Variants in ARHGEF37 observed in about 807,000 individuals in gnomAD.
The protein encoded by ARHGEF37 is Rho guanine nucleotide exchange factor 37.
ARHGEF37 carries 55 observed loss-of-function variants against 71.1 expected under a neutral mutation model. That is an observed-to-expected ratio of 0.77 (90% CI 0.62 to 0.97). ARHGEF37 has a LOEUF of 0.97. Ranked by LOEUF, ARHGEF37 falls within the 50% of genes least tolerant of loss-of-function variation. The pLI, the probability that ARHGEF37 is intolerant of heterozygous loss-of-function variation, is 0.00. For missense variants in ARHGEF37, 765 were observed against 836.8 expected, an observed-to-expected ratio of 0.91 and a Z score of 1.06; for synonymous variants, 327 against 350.6, an observed-to-expected ratio of 0.93 and a Z score of 0.75.
intron 2 of ARHGEF37, 106 bp downstream of exon 2, chr5:149,598,061 C>A: frequency 7.4e-7 from 1 of 1,345,794 alleles, no homozygotes; most frequent in Non-Finnish European, 1.0e-6. Flanking sequence ...AGAAAGGAAG[C>A]GTGGTAGATG....
chr5:149,558,303 C>T (rs77960326), intron 1 of ARHGEF37, among the ~76,000 whole-genome samples: 24 of 152,066 alleles, frequency 1.6e-4, no homozygotes, highest in Non-Finnish European at 3.4e-4. Flanking sequence ...GTCAGGAGTT[C>T]GAGACCAGCC....
chr5:149,598,771 G>GATATAGATATATAGATATAGAT (rs1763661264), intron 2 of ARHGEF37, among the ~76,000 whole-genome samples: 2 of 78,616 alleles, frequency 2.5e-5, no homozygotes, highest in South Asian at 1.1e-3. Flanking sequence ...TATAGATATA[G>GATATAGATATATAGATATAGAT]ATATAGATAT....
Position 149,624,107 on chromosome 5 carries a change from C to G in ARHGEF37, c.1431C>G (p.Thr477=). Residue 477 remains threonine (T), a synonymous_variant, in exon 10 of 13, where the codon ACC becomes ACG. Transcript: ENST00000333677. The part of the protein sequence containing the change: ...TSNQLRSFQE[T]FEKVQPPPTT... ...ACCAGCTTCGCTCCTTTCAAGAGAC[C>G]TTTGAGAAAGTGCAGCCACCTCCCA... The G allele has an allele frequency of 6.2e-7, 1 of 1,611,366 alleles. No homozygotes were observed. Among genetic ancestry groups the G allele is most frequent in the Non-Finnish European group, 8.5e-7 (1 of 1,177,768 alleles).
At position 149,572,770 on chromosome 5, in the gene ARHGEF37, G is replaced by A. The variant is rs201561732; in HGVS notation, c.-12+20647G>A. 4.5e-4 allele frequency among the ~76,000 whole-genome samples: 68 copies of A among 152,270 alleles called. No homozygotes were observed. The East Asian group carries it at 0.012, about 26-fold the overall frequency. On this transcript the variant is annotated intron_variant, in intron 1 of 2. Transcript: ENST00000505810. The stretch of plus-strand genomic sequence containing the variant: ...ACAAAGACTGACCTCTTCCAAGCAA[G>A]AAGGAATTCTGCCAAACTGATTGTG...
intron 1 of ARHGEF37, among the ~76,000 whole-genome samples, chr5:149,587,887 C>G (rs1763283644): frequency 1.5e-5 from 2 of 136,718 alleles, no homozygotes; most frequent in East Asian, 4.4e-4. Context: ...TCTTCCCTCC[C>G]TTTAGTCTTT....
rs187667660 is a variant in ARHGEF37 at position 149,592,626 on chromosome 5, A to G, written c.-11-5133A>G. Among the ~76,000 whole-genome samples the G allele has an allele frequency of 3.7e-3, 565 of 152,344 alleles. 2 individuals carry two copies. The highest frequency in any genetic ancestry group is 0.013 in the African/African-American group (545 of 41,576). ...ACTTATGTACAGGTTTTTGTACATA[A>G]GTTCTCTTACTGCGGGATGTCCAGA... is the stretch of plus-strand genomic sequence containing the variant. On this transcript the variant is annotated intron_variant, in intron 1 of 12. Transcript: ENST00000333677.
intron 3 of ARHGEF37, among the ~76,000 whole-genome samples, chr5:149,602,193 A>T (rs898708128): frequency 6.6e-6 from 1 of 151,454 alleles, no homozygotes; most frequent in Non-Finnish European, 1.5e-5. Flanking sequence ...AGTAGCTGAG[A>T]CTACAAGCGT....
At chr5:149,607,853 G>A (rs960365756) in intron 3 of ARHGEF37, among the ~76,000 whole-genome samples, 31 of 138,864 alleles carry the variant, frequency 2.2e-4, no homozygotes, top group Non-Finnish European at 2.9e-4. Context: ...TGCAAGCTCC[G>A]CCTCCTGGGT....
chr5:149,616,787 G>T (rs774001100), intron 5 of ARHGEF37, 21 bp downstream of exon 5: 4 of 1,574,766 alleles, frequency 2.5e-6, no homozygotes, highest in Non-Finnish European at 3.5e-6. Flanking sequence ...GGGCATTTAA[G>T]GGGACACATT....
chr5:149,575,671 ATTTTTTTTTTTTTTT>A (rs751297275), intron 1 of ARHGEF37, among the ~76,000 whole-genome samples: 1 of 107,284 alleles, frequency 9.3e-6, no homozygotes, highest in African/African-American at 3.4e-5. Context: ...CCAAATGACT[ATTTTTTTTTTTTTTT>A]TTTTTTTTTT....
intron 1 of ARHGEF37, among the ~76,000 whole-genome samples, chr5:149,570,576 C>CA (rs778453136): frequency 0.042 from 3,676 of 87,926 alleles, 157 homozygotes; most frequent in African/African-American, 0.13. Context: ...AACTCCGCCT[C>CA]AAAAAAAAAA....
chr5:149,588,042 G>A (rs1268205435), intron 1 of ARHGEF37, among the ~76,000 whole-genome samples: 8 of 151,878 alleles, frequency 5.3e-5, no homozygotes, highest in Middle Eastern at 3.4e-3. Flanking sequence ...GATTACAGGC[G>A]TGTGCCACCA....
chr5:149,627,741 G>C (rs1490941851), intron 11 of ARHGEF37, among the ~76,000 whole-genome samples: 1 of 152,222 alleles, frequency 6.6e-6, no homozygotes, highest in Non-Finnish European at 1.5e-5. Context: ...GGGAAGTGCT[G>C]CTGAGGTCTG....
intron 1 of ARHGEF37, among the ~76,000 whole-genome samples, chr5:149,588,330 A>C (rs533105569): frequency 1.3e-4 from 19 of 143,130 alleles, no homozygotes; most frequent in Non-Finnish European, 2.6e-4. Flanking sequence ...GAGTGCCTGC[A>C]CTCCATGCCA....
intron 1 of ARHGEF37, among the ~76,000 whole-genome samples, chr5:149,562,925 C>T (rs1213833244): frequency 1.3e-5 from 2 of 152,130 alleles, no homozygotes; most frequent in Non-Finnish European, 2.9e-5. Flanking sequence ...TAAATCATCC[C>T]CCTCCCCCCT....
intron 1 of ARHGEF37, among the ~76,000 whole-genome samples, chr5:149,585,364 G>A (rs563019023): frequency 1.3e-5 from 2 of 152,332 alleles, no homozygotes; most frequent in South Asian, 2.1e-4. Context: ...TTCAGTGTGT[G>A]AAGAGACAAA....
rs180816699 is a variant in ARHGEF37 at position 149,622,004 on chromosome 5, C to T, written c.1277C>T (p.Thr426Ile). 7 of 1,614,110 alleles carry T rather than the reference C, an allele frequency of 4.3e-6. No homozygotes were observed. The South Asian group carries it at 6.6e-5, about 15-fold the overall frequency. Residue 426 changes from threonine to isoleucine, a missense_variant, in exon 9 of 13, where the codon ACC (threonine) becomes ATC (isoleucine). By Grantham distance (89) the Thr-to-Ile change is moderately conservative. Transcript: ENST00000333677. ...GGCCAGATCATGTGCACATTCGTGA[C>T]CCTCCAGAGGGACCTTGCAAAGCAA... is the stretch of plus-strand genomic sequence containing the variant. ...WLGQIMCTFV[T>I]LQRDLAKQVL...
chr5:149,583,642 T>C (rs1337620924), intron 1 of ARHGEF37, among the ~76,000 whole-genome samples: 3 of 152,248 alleles, frequency 2.0e-5, no homozygotes, highest in Non-Finnish European at 4.4e-5. Flanking sequence ...AAATGGCTTT[T>C]TATTTAACTA....
chr5:149,558,739 A>G lies in ARHGEF37; in HGVS notation c.-12+6616A>G, dbSNP rs59567777. 4.0e-3 allele frequency among the ~76,000 whole-genome samples: 247 copies of G among 62,208 alleles called. 6 individuals are homozygous for G. The highest frequency in any genetic ancestry group is 0.036 in the South Asian group (92 of 2,554). The allele number at this position is 62,208 out of a possible 152,430, so 40.8% of individuals were successfully genotyped here. A position where few individuals can be genotyped will look rare whatever the true frequency, so the allele number is the denominator to read the frequency against. Reference sequence around the variant, plus strand: ...TGTGTGTGTGTGTGTGTGTGTGTGTATATATATTTTTATATGTATAAAATA... The same window carrying G: ...TGTGTGTGTGTGTGTGTGTGTGTGTGTATATATTTTTATATGTATAAAATA... On this transcript the variant is annotated intron_variant, in intron 1 of 2. Coordinates refer to the ARHGEF37 transcript ENST00000505810.
Sources: gnomAD v4.1 joint callset for allele counts (sites outside exome capture counted in the v4.1 genomes callset) on GRCh38, gnomAD v4.1.1 for gene constraint, MANE v1.5 for transcripts, NCBI Gene and HGNC (gene_info 2026-07-23, HGNC 2026-07-21) for gene names.